The following VTI1A variants were observed in gnomAD, a reference collection of about 807,000 sequenced individuals.
VTI1A encodes vesicle transport through interaction with t-SNAREs 1A, also known as vesicle transport through interaction with t-SNAREs homolog 1A.
In VTI1A, 22 loss-of-function variants were observed where a neutral mutation model predicts 34.9. The ratio of observed to expected loss-of-function variants is 0.63; its 90% CI spans 0.45 to 0.90. VTI1A has a LOEUF of 0.90. Ranked by LOEUF, VTI1A falls within the 40% of genes least tolerant of loss-of-function variation. VTI1A has a pLI of 0.00. For missense variants in VTI1A, 268 were observed against 275.6 expected (o/e 0.97, Z 0.20); for synonymous variants, 87 against 97.3 (o/e 0.89, Z 0.62).
chr10:112,639,915 TG>T (rs1161661790), intron 5 of VTI1A, among the ~76,000 whole-genome samples: 1 of 152,242 alleles, frequency 6.6e-6, no homozygotes, highest in East Asian at 1.9e-4. Context: ...TATGATTTCA[TG>T]ATTCTGTGCC....
chr10:112,511,961 A>G (rs1849625980), intron 3 of VTI1A, among the ~76,000 whole-genome samples: 1 of 152,036 alleles, frequency 6.6e-6, no homozygotes, highest in East Asian at 1.9e-4. Context: ...TTATCCATTC[A>G]TTTGTTGATG....
chr10:112,524,369 A>G (rs532928051), intron 3 of VTI1A, among the ~76,000 whole-genome samples: 8 of 152,276 alleles, frequency 5.3e-5, no homozygotes, highest in African/African-American at 1.4e-4. Flanking sequence ...TGTTTCTGAT[A>G]TTTGAAATGA....
intron 3 of VTI1A, among the ~76,000 whole-genome samples, chr10:112,482,351 G>T (rs979525006): frequency 6.6e-6 from 1 of 152,072 alleles, no homozygotes; most frequent in Non-Finnish European, 1.5e-5. Context: ...TGTACCCTCA[G>T]GTGGATTCTG....
At chr10:112,757,350 G>GTTTT (rs1477348323) in intron 7 of VTI1A, among the ~76,000 whole-genome samples, 5 of 66,508 alleles carry the variant, frequency 7.5e-5, no homozygotes, top group Non-Finnish European at 1.2e-4. Flanking sequence ...TTGTTGCTGT[G>GTTTT]ATTTTTTTTT....
intron 7 of VTI1A, among the ~76,000 whole-genome samples, chr10:112,730,987 A>G (rs948235821): frequency 2.0e-5 from 3 of 152,192 alleles, no homozygotes; most frequent in African/African-American, 7.2e-5. Context: ...TGGGTAATAT[A>G]TAATTTCCAT....
At chr10:112,679,547 A>C (rs1848147559) in intron 7 of VTI1A, among the ~76,000 whole-genome samples, 1 of 152,018 alleles carries the variant, frequency 6.6e-6, no homozygotes, top group African/African-American at 2.4e-5. Context: ...CTTCTTTTGC[A>C]AAGTTATGTG....
chr10:112,465,029 A>C (rs1048686893), intron 3 of VTI1A, among the ~76,000 whole-genome samples: 1 of 152,218 alleles, frequency 6.6e-6, no homozygotes, highest in African/African-American at 2.4e-5. Context: ...GTCTCCTGAA[A>C]GCATATCTGT....
At chr10:112,657,926 G>A (rs1847294338) in intron 5 of VTI1A, among the ~76,000 whole-genome samples, 2 of 151,846 alleles carry the variant, frequency 1.3e-5, no homozygotes, top group East Asian at 1.9e-4. Flanking sequence ...TTTTTAATTC[G>A]TTTTTGTTGT....
chr10:112,528,096 T>C (rs1850301622), intron 4 of VTI1A, among the ~76,000 whole-genome samples: 1 of 152,122 alleles, frequency 6.6e-6, no homozygotes, highest in African/African-American at 2.4e-5. Flanking sequence ...TGGCAAGTAG[T>C]ATAAAAGTCT....
intron 7 of VTI1A, among the ~76,000 whole-genome samples, chr10:112,754,371 C>T (rs1035820178): frequency 2.0e-5 from 3 of 152,150 alleles, no homozygotes; most frequent in Non-Finnish European, 2.9e-5. Context: ...TGCTGTCTGT[C>T]AACTGATTCT....
rs1590075541 is a variant in VTI1A, at chr10:112,691,814, T to C, written c.560+22816T>C. ...GGCTAACCTTCTAGTCAAAGTGACA[T>C]GGTAAAATCCTCCCTTGAATGGATG... On this transcript the variant is annotated intron_variant, in intron 7 of 7. Transcript: ENST00000393077. 2.0e-5 allele frequency among the ~76,000 whole-genome samples: 3 copies of C among 152,126 alleles called. No individual in the cohort carries two copies. In the East Asian group the frequency reaches 5.8e-4, roughly 29 times the overall value.
intron 5 of VTI1A, among the ~76,000 whole-genome samples, chr10:112,558,465 T>A (rs576521069): frequency 6.6e-6 from 1 of 152,354 alleles, no homozygotes; most frequent in African/African-American, 2.4e-5. Flanking sequence ...ATAGACTTAC[T>A]GTGTAGCCAT....
intron 7 of VTI1A, among the ~76,000 whole-genome samples, chr10:112,746,851 C>T (rs1312365798): frequency 1.3e-5 from 2 of 152,164 alleles, no homozygotes; most frequent in South Asian, 2.1e-4. Flanking sequence ...CTAATATGTC[C>T]GAACTAGAAG....
rs1227786480 is a variant in VTI1A at position 112,447,421 on chromosome 10, T to C, written c.48T>C (p.Thr16=). ...EGYEQDFAVL[T]AEITSKIARV... ...ACGAGCAGGACTTCGCGGTGCTCAC[T>C]GCAGAGATCACCAGCAAGATTGCGA... The change falls in exon 1 of 8, where the codon ACT becomes ACC. Residue 16 remains threonine (T), a synonymous_variant. Transcript: ENST00000393077. The C allele has an allele frequency of 6.2e-7, 1 of 1,613,662 alleles. No homozygotes were observed. The highest frequency in any genetic ancestry group is 1.7e-5 in the Admixed American group (1 of 60,018).
At chr10:112,627,503 C>T (rs989478148) in intron 5 of VTI1A, among the ~76,000 whole-genome samples, 4 of 152,058 alleles carry the variant, frequency 2.6e-5, no homozygotes, top group Non-Finnish European at 1.5e-5. Flanking sequence ...CCCCTTTACC[C>T]CTACCCATCT....
At chr10:112,780,377 C>G (rs182511986) in intron 7 of VTI1A, among the ~76,000 whole-genome samples, 2 of 151,964 alleles carry the variant, frequency 1.3e-5, no homozygotes, top group African/African-American at 4.8e-5. Context: ...TGTGGTAGCA[C>G]CATGATCTTG....
chr10:112,554,683 T>C (rs909825997), intron 5 of VTI1A, among the ~76,000 whole-genome samples: 2 of 152,166 alleles, frequency 1.3e-5, no homozygotes, highest in African/African-American at 4.8e-5. Flanking sequence ...TATAGATAAT[T>C]TGTCCTTTCC....
At chr10:112,535,438 C>CA (rs1471885710) in intron 4 of VTI1A, among the ~76,000 whole-genome samples, 1 of 152,116 alleles carries the variant, frequency 6.6e-6, no homozygotes, top group Non-Finnish European at 1.5e-5. Context: ...GCTAAGAAGA[C>CA]AAGCACTCAG....
chr10:112,736,637 ATTGGAAAC>A (rs1206143609), intron 7 of VTI1A: 2 of 1,526,292 alleles, frequency 1.3e-6, no homozygotes, highest in African/African-American at 2.8e-5. Context: ...AAATGCCAAA[ATTGGAAAC>A]AAGTATACAA....
Sources: allele counts gnomAD v4.1 joint callset (sites outside exome capture counted in the v4.1 genomes callset), GRCh38; gene constraint gnomAD v4.1.1; transcripts MANE v1.5; gene names NCBI Gene and HGNC (gene_info 2026-07-23, HGNC 2026-07-21).